Variants in DAW1 observed in about 807,000 individuals in gnomAD.
DAW1 encodes the protein dynein assembly factor with WD repeat domains 1.
In DAW1, 47 loss-of-function variants were observed where a neutral mutation model predicts 56.5. The observed-to-expected ratio is 0.83, with a 90% CI of 0.66 to 1.06. The LOEUF (loss-of-function observed/expected upper bound fraction) is 1.06, where lower values mean the gene tolerates loss of function less well. Ranked by LOEUF, DAW1 falls within the 50% of genes least tolerant of loss-of-function variation. The probability of loss-of-function intolerance (pLI) is 0.00; values close to 1 mark genes in which losing one functional copy is unlikely to be tolerated. For missense variants in DAW1, 505 were observed against 499.3 expected, an observed-to-expected ratio of 1.01 and a Z score of -0.11; for synonymous variants, 190 against 179.0, an observed-to-expected ratio of 1.06 and a Z score of -0.49.
intron 1 of DAW1, among the ~76,000 whole-genome samples, chr2:227,872,792 T>C (rs886572421): frequency 1.3e-5 from 2 of 151,342 alleles, no homozygotes; most frequent in African/African-American, 4.8e-5. Flanking sequence ...CACAGATTTC[T>C]TGGTCTAACA....
At chr2:227,903,474 C>T (rs560376503) in intron 7 of DAW1, among the ~76,000 whole-genome samples, 7 of 152,316 alleles carry the variant, frequency 4.6e-5, no homozygotes, top group African/African-American at 1.7e-4. Context: ...CTCTCCTCTG[C>T]CCGCTGGTCT....
At chr2:227,891,344 G>A (rs750788804) in intron 4 of DAW1, 31 bp downstream of exon 4, 2 of 1,571,074 alleles carry the variant, frequency 1.3e-6, no homozygotes, top group Non-Finnish European at 1.7e-6. Flanking sequence ...CTAATTTTTA[G>A]CAGTGAAACA....
At chr2:227,905,157 T>TA in intron 8 of DAW1, 122 bp downstream of exon 8, 1 of 627,016 alleles carries the variant, frequency 1.6e-6, no homozygotes, top group Non-Finnish European at 2.6e-6. Context: ...AAATAGGACA[T>TA]ATTGAAAATG....
At chr2:227,906,186 A>T in intron 8 of DAW1, 50 bp from the exon 9 acceptor site, 1 of 1,460,386 alleles carries the variant, frequency 6.8e-7, no homozygotes, top group East Asian at 2.3e-5. Context: ...TCATGTGCAT[A>T]TACTGAAGTA....
chr2:227,904,162 C>T (rs903281589), intron 7 of DAW1, among the ~76,000 whole-genome samples: 2 of 152,026 alleles, frequency 1.3e-5, no homozygotes, highest in Non-Finnish European at 2.9e-5. Flanking sequence ...ATTTGTTTTG[C>T]GTACTTAGAA....
intron 3 of DAW1, among the ~76,000 whole-genome samples, 181 bp downstream of exon 3, chr2:227,890,181 C>A (rs1031734268): frequency 3.5e-4 from 53 of 152,242 alleles, no homozygotes; most frequent in Admixed American, 1.1e-3. Context: ...TGAGTGAAAT[C>A]CAAAACACTT....
intron 10 of DAW1, among the ~76,000 whole-genome samples, chr2:227,909,795 T>A (rs1691774322): frequency 6.6e-6 from 1 of 152,190 alleles, no homozygotes; most frequent in Admixed American, 6.5e-5. Flanking sequence ...TTTTGTTGTA[T>A]CTGGGTCCTC....
chr2:227,877,069 T>C (rs574826194), intron 1 of DAW1, among the ~76,000 whole-genome samples: 1 of 152,362 alleles, frequency 6.6e-6, no homozygotes, highest in Non-Finnish European at 1.5e-5. Context: ...CTAAGTGTTT[T>C]GGGAATTATA....
At chr2:227,894,953 T>G (rs917064393) in intron 5 of DAW1, among the ~76,000 whole-genome samples, 5 of 152,234 alleles carry the variant, frequency 3.3e-5, no homozygotes, top group Non-Finnish European at 5.9e-5. Context: ...AACTAAATAT[T>G]ACATAAACCA....
intron 12 of DAW1, 92 bp downstream of exon 12, chr2:227,921,653 C>A: frequency 7.3e-7 from 1 of 1,361,204 alleles, no homozygotes; most frequent in Non-Finnish European, 1.0e-6. Context: ...ATCCCCATTC[C>A]CTACCTCTTT....
In DAW1 at chr2:227,876,253, C is replaced by A. The variant is rs187305073; in HGVS notation, c.40+4524C>A. ...GCCAGGATGGTCTTGATCTCCTGAC[C>A]TCGTGATCCACCCGCCTTGGCCTCC... On this transcript the variant is annotated intron_variant, in intron 1 of 12. Transcript: ENST00000309931. Among the ~76,000 whole-genome samples, 306 of 152,336 alleles carry A rather than the reference C, an allele frequency of 2.0e-3. 1 individual carries two copies. The highest frequency in any genetic ancestry group is 6.8e-3 in the African/African-American group (283 of 41,586).
chr2:227,919,447 T>C (rs191970355), intron 11 of DAW1, among the ~76,000 whole-genome samples: 3 of 152,300 alleles, frequency 2.0e-5, no homozygotes, highest in East Asian at 1.9e-4. Context: ...ATATTTAATA[T>C]GGCAATTTAA....
chr2:227,890,045 G>C (rs1378958693), intron 3 of DAW1, 45 bp downstream of exon 3: 1 of 1,452,540 alleles, frequency 6.9e-7, no homozygotes, highest in Non-Finnish European at 9.1e-7. Flanking sequence ...TCAGTGAAAT[G>C]ATTGATATTT....
chr2:227,891,519 A>C (rs553778118), intron 4 of DAW1, among the ~76,000 whole-genome samples: 1 of 152,316 alleles, frequency 6.6e-6, no homozygotes, highest in East Asian at 1.9e-4. Flanking sequence ...AATGGGAGGC[A>C]TATTGGGTTC....
intron 1 of DAW1, among the ~76,000 whole-genome samples, chr2:227,881,452 C>T (rs915034540): frequency 3.9e-5 from 6 of 152,148 alleles, no homozygotes; most frequent in African/African-American, 1.4e-4. Flanking sequence ...GATATGTTTC[C>T]TTCTTCAAAG....
At position 227,871,698 on chromosome 2, in the gene DAW1, C is replaced by G; in HGVS notation, c.9C>G (p.Leu3=). The G allele has an allele frequency of 6.2e-7, 1 of 1,613,870 alleles. No individual in the cohort carries two copies. Among genetic ancestry groups the G allele is most frequent in the Non-Finnish European group, 8.5e-7 (1 of 1,179,894 alleles). Residue 3 remains leucine (L), a synonymous_variant, in exon 1 of 13, where the codon CTC becomes CTG. Transcript: ENST00000309931. ...GATAAGAGAGCAAGAAAATGAAGCT[C>G]AAGAGCCTCCTGCTCCGGTATTACC... MK[L]KSLLLRYYPP... is the part of the protein sequence containing the mutation.
chr2:227,893,979 G>A, intron 5 of DAW1, 62 bp downstream of exon 5: 1 of 1,459,988 alleles, frequency 6.8e-7, no homozygotes, highest in Non-Finnish European at 9.1e-7. Context: ...CATCTGCTTG[G>A]GGAGAAAGGG....
intron 11 of DAW1, 91 bp downstream of exon 11, chr2:227,918,947 C>A (rs1474259472): frequency 1.6e-6 from 2 of 1,279,378 alleles, no homozygotes; most frequent in African/African-American, 3.0e-5. Context: ...ATAATCCCAG[C>A]ACTTTGAGAG....
chr2:227,919,055 G>A (rs1294276620), intron 11 of DAW1, among the ~76,000 whole-genome samples, 199 bp downstream of exon 11: 1 of 152,016 alleles, frequency 6.6e-6, no homozygotes, highest in East Asian at 1.9e-4. Context: ...AGTCAGCTGT[G>A]CATGGTGTTA....
Sources: allele counts gnomAD v4.1 joint callset (sites outside exome capture counted in the v4.1 genomes callset), GRCh38; gene constraint gnomAD v4.1.1; transcripts MANE v1.5; gene names NCBI Gene and HGNC (gene_info 2026-07-23, HGNC 2026-07-21).